GOLPH3L: variants seen among roughly 807,000 people sequenced by gnomAD.
GOLPH3L encodes golgi phosphoprotein 3 like.
GOLPH3L carries 22 observed loss-of-function variants against 30.3 expected under a neutral mutation model. That is an observed-to-expected ratio of 0.73 (90% CI 0.52 to 1.04). The LOEUF (loss-of-function observed/expected upper bound fraction) is 1.04, where lower values mean the gene tolerates loss of function less well. Among genes scored for constraint, GOLPH3L ranks in the 50% least tolerant of loss-of-function variants. The pLI is 0.00. For missense variants in GOLPH3L, 303 were observed against 345.8 expected (o/e 0.88, Z 0.98); for synonymous variants, 120 against 128.2 (o/e 0.94, Z 0.43).
chr1:150,663,481 T>C, intron 3 of GOLPH3L, 151 bp downstream of exon 3: 1 of 634,786 alleles, frequency 1.6e-6, no homozygotes. Context: ...TTCTCCCTCT[T>C]GCAATAGGGT....
intron 2 of GOLPH3L, among the ~76,000 whole-genome samples, chr1:150,666,164 A>G (rs886841588): frequency 3.9e-5 from 6 of 152,132 alleles, no homozygotes; most frequent in African/African-American, 9.7e-5. Flanking sequence ...TGTGCTTCCC[A>G]TAACTGTGGT....
intron 4 of GOLPH3L, among the ~76,000 whole-genome samples, chr1:150,650,362 G>A (rs1310012033): frequency 2.0e-5 from 3 of 152,204 alleles, no homozygotes; most frequent in Non-Finnish European, 2.9e-5. Context: ...TCAGAGAGCT[G>A]CTGCAGGCAA....
intron 2 of GOLPH3L, among the ~76,000 whole-genome samples, chr1:150,673,398 C>T (rs1650689213): frequency 6.6e-6 from 1 of 151,838 alleles, no homozygotes; most frequent in African/African-American, 2.4e-5. Flanking sequence ...CCTGTCTCTA[C>T]TAAAAACACA....
At chr1:150,691,448 G>T (rs912427067) in intron 2 of GOLPH3L, among the ~76,000 whole-genome samples, 2 of 152,014 alleles carry the variant, frequency 1.3e-5, no homozygotes, top group Admixed American at 6.6e-5. Context: ...CTCGGGAGGC[G>T]CAGGTTGCAG....
Position 150,657,199 on chromosome 1 carries a change from T to C in GOLPH3L, c.430+4615A>G, listed in dbSNP as rs147110766. 1.3e-4 allele frequency among the ~76,000 whole-genome samples: 20 copies of C among 152,380 alleles called. No homozygotes were observed. In the East Asian group the frequency reaches 3.7e-3, roughly 28 times the overall value. On this transcript the variant is annotated intron_variant, in intron 4 of 4. Transcript: ENST00000271732. ...TTAGAAACAGCAGTTAGGAGTAGAATGCACCCTTTTTACATCACTCACATT... is the reference window on the plus strand; with the variant it reads ...TTAGAAACAGCAGTTAGGAGTAGAACGCACCCTTTTTACATCACTCACATT...
At chr1:150,676,589 C>A (rs921398094) in intron 2 of GOLPH3L, among the ~76,000 whole-genome samples, 1 of 150,574 alleles carries the variant, frequency 6.6e-6, no homozygotes, top group Non-Finnish European at 1.5e-5. Flanking sequence ...TTGTTTGAAT[C>A]TGGAGCCAAA....
intron 2 of GOLPH3L, among the ~76,000 whole-genome samples, chr1:150,686,599 A>G (rs980881174): frequency 6.6e-6 from 1 of 152,240 alleles, no homozygotes; most frequent in African/African-American, 2.4e-5. Flanking sequence ...GCCTTGCAGG[A>G]TTAAACAATA....
At chr1:150,659,592 G>A (rs1378166324) in intron 4 of GOLPH3L, among the ~76,000 whole-genome samples, 1 of 152,160 alleles carries the variant, frequency 6.6e-6, no homozygotes, top group Admixed American at 6.5e-5. Flanking sequence ...TCTGTTCAAG[G>A]CTCTCAGCTC....
At chr1:150,682,713 A>T (rs1650986132) in intron 2 of GOLPH3L, among the ~76,000 whole-genome samples, 1 of 151,488 alleles carries the variant, frequency 6.6e-6, no homozygotes. Flanking sequence ...CTTTTAAAGT[A>T]TCAAAAAGTA....
chr1:150,683,050 A>G (rs956481140), intron 2 of GOLPH3L, among the ~76,000 whole-genome samples: 1 of 152,182 alleles, frequency 6.6e-6, no homozygotes, highest in African/African-American at 2.4e-5. Flanking sequence ...CTGTAGGAAG[A>G]TAAGCGCATC....
chr1:150,651,358 A>G lies in GOLPH3L; in HGVS notation c.431-2610T>C, dbSNP rs587720883. 2.6e-5 allele frequency among the ~76,000 whole-genome samples: 4 copies of G among 151,766 alleles called. No homozygotes were observed. The East Asian group carries it at 7.8e-4, about 30-fold the overall frequency. On this transcript the variant is annotated intron_variant, in intron 4 of 4. Transcript: ENST00000271732. ...ACCATTTAGAAATCCTAGAGTTTAA[A>G]AGTACAACAGACTGGGCATGGTGGC...
At chr1:150,652,394 A>C (rs1650126170) in intron 4 of GOLPH3L, among the ~76,000 whole-genome samples, 1 of 149,392 alleles carries the variant, frequency 6.7e-6, no homozygotes, top group African/African-American at 2.4e-5. Context: ...AAAAAAAAAA[A>C]AAAAAAAAAA....
At chr1:150,687,827 G>A (rs1222532772) in intron 2 of GOLPH3L, among the ~76,000 whole-genome samples, 1 of 152,098 alleles carries the variant, frequency 6.6e-6, no homozygotes, top group Admixed American at 6.6e-5. Context: ...AGTACCAGGA[G>A]AATTTTAGCA....
chr1:150,693,985 G>A (rs984232719), intron 2 of GOLPH3L: 20 of 221,142 alleles, frequency 9.0e-5, no homozygotes, highest in Non-Finnish European at 1.4e-4. Context: ...TCAGCCTCCC[G>A]AGTACCTGGG....
chr1:150,661,357 A>G (rs1707158), intron 4 of GOLPH3L, among the ~76,000 whole-genome samples: 5,453 of 152,266 alleles, frequency 0.036, 342 homozygotes, highest in African/African-American at 0.12. Flanking sequence ...ATGTTCAAAC[A>G]AAAACTTGTC....
At chr1:150,671,749 T>C (rs1650649662) in intron 2 of GOLPH3L, among the ~76,000 whole-genome samples, 1 of 131,830 alleles carries the variant, frequency 7.6e-6, no homozygotes, top group Non-Finnish European at 1.5e-5. Flanking sequence ...GAGGTTGCAG[T>C]GAGCCGAGAT....
intron 4 of GOLPH3L, among the ~76,000 whole-genome samples, chr1:150,651,505 C>T (rs1440184825): frequency 2.0e-5 from 3 of 151,088 alleles, no homozygotes; most frequent in African/African-American, 7.3e-5. Flanking sequence ...CAAAATTAGC[C>T]GGGTATGGTG....
At chr1:150,661,009 C>T (rs1650355377) in intron 4 of GOLPH3L, among the ~76,000 whole-genome samples, 1 of 152,156 alleles carries the variant, frequency 6.6e-6, no homozygotes, top group Non-Finnish European at 1.5e-5. Context: ...GCGGGCAGAT[C>T]ACGAAGTCAA....
chr1:150,684,366 GAGAC>G (rs1651035284), intron 2 of GOLPH3L, among the ~76,000 whole-genome samples: 2 of 152,060 alleles, frequency 1.3e-5, no homozygotes. Flanking sequence ...TTTATTTTTA[GAGAC>G]AGGGTCTCAC....
Sources: allele counts gnomAD v4.1 joint callset (sites outside exome capture counted in the v4.1 genomes callset), GRCh38; gene constraint gnomAD v4.1.1; transcripts MANE v1.5; gene names NCBI Gene and HGNC (gene_info 2026-07-23, HGNC 2026-07-21).